The following CEP63 variants were observed in gnomAD, a reference collection of about 807,000 sequenced individuals.
CEP63 encodes the protein centrosomal protein of 63 kDa.
Under a neutral mutation model 89.1 loss-of-function variants are expected in CEP63, and 84 were observed. The ratio of observed to expected loss-of-function variants is 0.94; its 90% CI spans 0.79 to 1.13. CEP63 has a LOEUF of 1.13. Among genes scored for constraint, CEP63 ranks in the 50% most tolerant of loss-of-function variants. The probability of loss-of-function intolerance (pLI) is 0.00; values close to 1 mark genes in which losing one functional copy is unlikely to be tolerated. For missense variants in CEP63, 838 were observed against 813.3 expected, an observed-to-expected ratio of 1.03 and a Z score of -0.37; for synonymous variants, 267 against 272.5, an observed-to-expected ratio of 0.98 and a Z score of 0.20.
chr3:134,541,632 G>A (rs1022578207), intron 6 of CEP63, among the ~76,000 whole-genome samples: 1 of 149,734 alleles, frequency 6.7e-6, no homozygotes, highest in Non-Finnish European at 1.5e-5. Context: ...CTCCTCCTCA[G>A]CATCCCAAGT....
At chr3:134,661,707 G>A in the CEP63 span, among the ~76,000 whole-genome samples, 1 of 152,126 alleles carries the variant, frequency 6.6e-6, no homozygotes, top group Admixed American at 6.5e-5. Flanking sequence ...AAAAGGGAAG[G>A]AAGACAGGAA....
chr3:134,728,866 A>G, the CEP63 span, among the ~76,000 whole-genome samples: 1 of 152,186 alleles, frequency 6.6e-6, no homozygotes, highest in African/African-American at 2.4e-5. Context: ...TAACTTGCAG[A>G]ATTTTCTCTC....
At chr3:134,517,830 A>T (rs1946574590) in intron 3 of CEP63, among the ~76,000 whole-genome samples, 1 of 152,190 alleles carries the variant, frequency 6.6e-6, no homozygotes, top group South Asian at 2.1e-4. Flanking sequence ...TAGCCATAAG[A>T]GCATATATTA....
At chr3:134,642,337 G>A in the CEP63 span, among the ~76,000 whole-genome samples, 7 of 152,306 alleles carry the variant, frequency 4.6e-5, no homozygotes, top group South Asian at 6.2e-4. Flanking sequence ...TTCCTTATAG[G>A]TTAGGACATC....
At chr3:134,490,647 T>TCCCATAAAACAGGTA (rs1553737582) in intron 1 of CEP63, among the ~76,000 whole-genome samples, 1 of 150,608 alleles carries the variant, frequency 6.6e-6, no homozygotes, top group Non-Finnish European at 1.5e-5. Context: ...TTAGCATAAT[T>TCCCATAAAACAGGTA]CCCATAAAAC....
chr3:134,777,237 T>A, the CEP63 span, among the ~76,000 whole-genome samples: 1 of 152,240 alleles, frequency 6.6e-6, no homozygotes, highest in South Asian at 2.1e-4. Context: ...CAATTAGTTG[T>A]GTGATCACCT....
the CEP63 span, among the ~76,000 whole-genome samples, chr3:134,602,978 A>G: frequency 6.6e-6 from 1 of 152,106 alleles, no homozygotes; most frequent in Non-Finnish European, 1.5e-5. Context: ...CTTCCTCACC[A>G]CACCCTTTTT....
chr3:134,756,428 C>T, the CEP63 span, among the ~76,000 whole-genome samples: 1 of 152,200 alleles, frequency 6.6e-6, no homozygotes, highest in South Asian at 2.1e-4. Context: ...AATGAAACCT[C>T]GACCTCCTGG....
At chr3:134,704,548 T>G in the CEP63 span, among the ~76,000 whole-genome samples, 1 of 152,236 alleles carries the variant, frequency 6.6e-6, no homozygotes, top group African/African-American at 2.4e-5. Context: ...TTGTTCCACT[T>G]AAATCCAGAG....
intron 12 of CEP63, chr3:134,552,327 CTGAG>C (rs1414418269): frequency 5.2e-6 from 1 of 191,320 alleles, no homozygotes; most frequent in African/African-American, 2.4e-5. Flanking sequence ...CCTCAGCCTC[CTGAG>C]TAACTGGGAT....
the CEP63 span, among the ~76,000 whole-genome samples, chr3:134,691,812 C>T: frequency 5.3e-5 from 8 of 151,846 alleles, no homozygotes; most frequent in Admixed American, 2.0e-4. Context: ...CTCTGCCTCC[C>T]GGGTTCAAGC....
At chr3:134,486,968 G>A (rs1028447128) in intron 1 of CEP63, among the ~76,000 whole-genome samples, 1 of 152,212 alleles carries the variant, frequency 6.6e-6, no homozygotes, top group African/African-American at 2.4e-5. Flanking sequence ...ACGACATCAG[G>A]AGAGTAAAGA....
chr3:134,647,125 G>A, the CEP63 span, among the ~76,000 whole-genome samples: 70 of 152,278 alleles, frequency 4.6e-4, 1 homozygote, highest in South Asian at 1.2e-3. Context: ...CCTCTCATAG[G>A]AGCACACTCA....
the CEP63 span, among the ~76,000 whole-genome samples, chr3:134,706,589 C>T: frequency 1.3e-5 from 2 of 152,138 alleles, no homozygotes; most frequent in Admixed American, 6.5e-5. Context: ...TCAACTCTCC[C>T]CTTGATGGTT....
At chr3:134,779,448 G>C in the CEP63 span, among the ~76,000 whole-genome samples, 1 of 152,058 alleles carries the variant, frequency 6.6e-6, no homozygotes, top group Non-Finnish European at 1.5e-5. Context: ...CTGTCTCCTG[G>C]CATACATGTG....
the CEP63 span, among the ~76,000 whole-genome samples, chr3:134,674,092 T>A: frequency 3.9e-5 from 6 of 152,230 alleles, no homozygotes; most frequent in Admixed American, 1.3e-4. Flanking sequence ...ACCCTGACTT[T>A]TAGTGTACTG....
the CEP63 span, among the ~76,000 whole-genome samples, chr3:134,670,367 A>T: frequency 3.3e-5 from 5 of 152,302 alleles, no homozygotes; most frequent in Admixed American, 1.3e-4. Context: ...CCCTGATTTG[A>T]TGAAAACACT....
chr3:134,501,128 G>C (rs1383722442), intron 2 of CEP63, among the ~76,000 whole-genome samples: 1 of 152,134 alleles, frequency 6.6e-6, no homozygotes, highest in East Asian at 1.9e-4. Flanking sequence ...TGTCAGCTTT[G>C]TTGAAGATCA....
the CEP63 span, chr3:134,647,599 C>T: frequency 3.0e-6 from 2 of 672,388 alleles, no homozygotes; most frequent in African/African-American, 3.7e-5. Flanking sequence ...TGGATCTTGG[C>T]TCTCTTGGAA....
Sources: gnomAD v4.1 joint callset for allele counts (sites outside exome capture counted in the v4.1 genomes callset) on GRCh38, gnomAD v4.1.1 for gene constraint, MANE v1.5 for transcripts, NCBI Gene and HGNC (gene_info 2026-07-23, HGNC 2026-07-21) for gene names.